NEK10: variants seen among roughly 807,000 people sequenced by gnomAD.
NEK10 encodes NIMA related kinase 10, also known as serine/threonine-protein kinase Nek10.
NEK10 carries 122 observed loss-of-function variants against 159.8 expected under a neutral mutation model. The observed-to-expected ratio is 0.76, with a 90% CI of 0.66 to 0.89. The LOEUF is 0.89. Ranked by LOEUF, NEK10 falls within the 40% of genes least tolerant of loss-of-function variation. The pLI is 0.00. For missense variants in NEK10, 1,342 were observed against 1,323.1 expected, an observed-to-expected ratio of 1.01 and a Z score of -0.22; for synonymous variants, 466 against 457.1, an observed-to-expected ratio of 1.02 and a Z score of -0.25.
At chr3:27,296,341 C>T (rs1474578544) in intron 14 of NEK10, among the ~76,000 whole-genome samples, 1 of 152,038 alleles carries the variant, frequency 6.6e-6, no homozygotes, top group African/African-American at 2.4e-5. Context: ...CATGAGAAAA[C>T]CAATACTTAG....
chr3:27,252,501 G>C (rs902318146), intron 23 of NEK10, among the ~76,000 whole-genome samples: 2 of 152,228 alleles, frequency 1.3e-5, no homozygotes, highest in Admixed American at 1.3e-4. Context: ...TTATAATCAT[G>C]CAAGTACTTG....
intron 5 of NEK10, among the ~76,000 whole-genome samples, chr3:27,342,662 T>G (rs143705551): frequency 1.3e-5 from 2 of 152,200 alleles, no homozygotes; most frequent in South Asian, 2.1e-4. Context: ...CTCTCGACTT[T>G]AGAATTGTTG....
At chr3:27,196,631 A>T (rs994581203) in intron 25 of NEK10, among the ~76,000 whole-genome samples, 1 of 152,210 alleles carries the variant, frequency 6.6e-6, no homozygotes, top group African/African-American at 2.4e-5. Flanking sequence ...CTGGGTAGCC[A>T]TAGCCAGGGT....
intron 30 of NEK10, 182 bp downstream of exon 30, chr3:27,162,519 C>T (rs752927219): frequency 1.9e-6 from 3 of 1,614,038 alleles, no homozygotes; most frequent in Non-Finnish European, 2.5e-6. Flanking sequence ...GCCACCCTGT[C>T]ACTAACTCAG....
At chr3:27,336,431 T>C (rs1328417780) in intron 5 of NEK10, among the ~76,000 whole-genome samples, 2 of 152,158 alleles carry the variant, frequency 1.3e-5, no homozygotes, top group African/African-American at 2.4e-5. Flanking sequence ...GAAGAACTAA[T>C]ATCAATCCTC....
chr3:27,256,436 ATT>A, intron 22 of NEK10, 65 bp from the exon 23 acceptor site: 1 of 943,954 alleles, frequency 1.1e-6, no homozygotes, highest in Non-Finnish European at 1.5e-6. Flanking sequence ...GTTCCTTAGC[ATT>A]TGACAATCTA....
chr3:27,113,537 TA>T (rs1289217358), intron 35 of NEK10, among the ~76,000 whole-genome samples: 1 of 152,088 alleles, frequency 6.6e-6, no homozygotes. Context: ...TAAGAAAATT[TA>T]ATGCAATACC....
intron 22 of NEK10, among the ~76,000 whole-genome samples, chr3:27,277,311 C>A (rs1017476456): frequency 6.6e-6 from 1 of 152,142 alleles, no homozygotes; most frequent in Non-Finnish European, 1.5e-5. Flanking sequence ...TGTGAGATAA[C>A]TAAATATCCT....
intron 29 of NEK10, among the ~76,000 whole-genome samples, chr3:27,163,407 A>G (rs1010776007): frequency 6.6e-6 from 1 of 151,650 alleles, no homozygotes; most frequent in Non-Finnish European, 1.5e-5. Context: ...GCTGGAGTGC[A>G]GTGACGCGAT....
chr3:27,211,529 G>A (rs1951007753), intron 23 of NEK10, among the ~76,000 whole-genome samples: 1 of 152,300 alleles, frequency 6.6e-6, no homozygotes, highest in African/African-American at 2.4e-5. Context: ...AGTGGTGACA[G>A]GGGTGTCAGT....
At chr3:27,256,166 GATAATTGA>G (rs1202981119) in intron 23 of NEK10, 122 bp downstream of exon 23, 1 of 454,152 alleles carries the variant, frequency 2.2e-6, no homozygotes, top group Non-Finnish European at 3.8e-6. Flanking sequence ...GTATTACCTA[GATAATTGA>G]AAAAACTTAT....
At chr3:27,147,050 T>C (rs1343057349) in intron 30 of NEK10, among the ~76,000 whole-genome samples, 2 of 152,188 alleles carry the variant, frequency 1.3e-5, no homozygotes, top group African/African-American at 4.8e-5. Context: ...GATCATACAG[T>C]TGAAGTCAGA....
chr3:27,274,773 C>T (rs1401091694), intron 22 of NEK10, among the ~76,000 whole-genome samples: 1 of 152,054 alleles, frequency 6.6e-6, no homozygotes, highest in Non-Finnish European at 1.5e-5. Flanking sequence ...ACTTAGCTGG[C>T]TGGAAATGCT....
At chr3:27,309,068 T>C in intron 9 of NEK10, 63 bp from the exon 10 acceptor site, 1 of 805,422 alleles carries the variant, frequency 1.2e-6, no homozygotes, top group South Asian at 1.7e-5. Context: ...TTTTCAACAT[T>C]AACATTAATT....
chr3:27,233,167 C>A (rs1953493421), intron 23 of NEK10, among the ~76,000 whole-genome samples: 1 of 152,006 alleles, frequency 6.6e-6, no homozygotes, highest in African/African-American at 2.4e-5. Flanking sequence ...TATCCACAAT[C>A]TACAAGGAAC....
chr3:27,130,470 G>C (rs2125511232), intron 32 of NEK10, among the ~76,000 whole-genome samples: 1 of 152,254 alleles, frequency 6.6e-6, no homozygotes, highest in South Asian at 2.1e-4. Context: ...AAGTGAGGAA[G>C]AGTTGCAACA....
intron 6 of NEK10, among the ~76,000 whole-genome samples, chr3:27,317,674 G>A (rs749066249): frequency 6.6e-6 from 1 of 152,070 alleles, no homozygotes; most frequent in African/African-American, 2.4e-5. Context: ...CTAAGCCTAC[G>A]TGGCAACTAA....
rs146252963 is a variant in NEK10, at chr3:27,209,487, C to A, written c.2091-6930G>T. ...AAGCTATGCATTAACATGCCTTAACCACCAATGAAATCAATGATTTAAAAG... is the reference window on the plus strand; with the variant it reads ...AAGCTATGCATTAACATGCCTTAACAACCAATGAAATCAATGATTTAAAAG... On this transcript the variant is annotated intron_variant, in intron 23 of 35. Coordinates refer to ENST00000691995, the MANE Select transcript of NEK10 (RefSeq NM_001394966.1). 1.6e-3 allele frequency among the ~76,000 whole-genome samples: 239 copies of A among 152,308 alleles called. 2 individuals are homozygous for A. Among genetic ancestry groups the A allele is most frequent in the African/African-American group, 5.6e-3 (233 of 41,570 alleles).
chr3:27,341,611 T>A (rs1254484589), intron 5 of NEK10, among the ~76,000 whole-genome samples: 1 of 152,170 alleles, frequency 6.6e-6, no homozygotes, highest in Non-Finnish European at 1.5e-5. Context: ...CTGTGAGGTA[T>A]TTGCAGTGTT....
Sources: allele counts gnomAD v4.1 joint callset (sites outside exome capture counted in the v4.1 genomes callset), GRCh38; gene constraint gnomAD v4.1.1; transcripts MANE v1.5; gene names NCBI Gene and HGNC (gene_info 2026-07-23, HGNC 2026-07-21).